Variants in NT5M observed in about 807,000 individuals in gnomAD.
NT5M encodes 5',3'-nucleotidase, mitochondrial.
NT5M carries 22 observed loss-of-function variants against 22.2 expected under a neutral mutation model. The observed-to-expected ratio is 0.99, with a 90% confidence interval of 0.71 to 1.41. NT5M has a LOEUF of 1.41. Among genes scored for constraint, NT5M ranks in the 40% most tolerant of loss-of-function variants. The pLI, the probability that NT5M is intolerant of heterozygous loss-of-function variation, is 0.00. For synonymous variants in NT5M, 167 were observed against 133.0 expected, an observed-to-expected ratio of 1.26 and a Z score of -1.76; for missense variants, 322 against 314.8, an observed-to-expected ratio of 1.02 and a Z score of -0.17.
intron 2 of NT5M, among the ~76,000 whole-genome samples, chr17:17,318,848 C>T (rs1481267533): frequency 6.7e-6 from 1 of 148,230 alleles, no homozygotes; most frequent in African/African-American, 2.5e-5. Flanking sequence ...ATGAATGAAC[C>T]TTGAAAACAT....
chr17:17,344,791 C>T lies in NT5M; in HGVS notation c.430-3C>T, dbSNP rs374577387. 3 of 1,613,774 alleles carry T rather than the reference C, an allele frequency of 1.9e-6. No homozygotes were observed. In the African/African-American group the frequency reaches 4.0e-5, roughly 22 times the overall value. On this transcript the variant is annotated splice_region_variant and splice_polypyrimidine_tract_variant and intron_variant, in intron 3 of 4. Transcript: ENST00000389022. ...CCACCTGCCCTTGCCTGTTTGCGTC[C>T]AGTATGCCTGGGTGGAGAAGTACTT...
intron 3 of NT5M, 146 bp from the exon 4 acceptor site, chr17:17,344,648 C>A: frequency 1.1e-6 from 1 of 932,230 alleles, no homozygotes; most frequent in Non-Finnish European, 1.6e-6. Context: ...GCACTGACTG[C>A]CTGGCGCTGG....
intron 3 of NT5M, among the ~76,000 whole-genome samples, chr17:17,342,612 T>A (rs1467789939): frequency 6.6e-6 from 1 of 152,224 alleles, no homozygotes; most frequent in Admixed American, 6.5e-5. Context: ...CCAGCCACAC[T>A]CCAGGGTTTT....
At position 17,323,203 on chromosome 17, in the gene NT5M, C is replaced by T; in HGVS notation, c.387C>T (p.Cys129=). Residue 129 remains cysteine, a synonymous_variant, in exon 3 of 5, where the codon TGC becomes TGT. Coordinates refer to ENST00000389022, the MANE Select transcript of NT5M (RefSeq NM_020201.4). ...ASLQNTDVFI[C]TSPIKMFKYC... ...TTGACAGCACTGACGTCTTCATCTG[C>T]ACAAGCCCCATCAAGATGTTCAAGT... 6.2e-7 allele frequency: 1 copy of T among 1,614,098 alleles called. No homozygotes were observed. The highest frequency in any genetic ancestry group is 8.5e-7 in the Non-Finnish European group (1 of 1,179,942).
intron 3 of NT5M, among the ~76,000 whole-genome samples, 200 bp downstream of exon 3, chr17:17,323,445 G>T (rs576380406): frequency 1.3e-5 from 2 of 152,226 alleles, no homozygotes; most frequent in Non-Finnish European, 2.9e-5. Context: ...TCCAGGAAGG[G>T]TGCCTGTCAC....
chr17:17,345,993 C>G (rs1049470537), intron 4 of NT5M, among the ~76,000 whole-genome samples: 1 of 152,158 alleles, frequency 6.6e-6, no homozygotes, highest in South Asian at 2.1e-4. Flanking sequence ...TCCTGGTAGC[C>G]GTCAGTAGTT....
At chr17:17,344,946 G>A in intron 4 of NT5M, 38 bp downstream of exon 4, 1 of 1,612,980 alleles carries the variant, frequency 6.2e-7, no homozygotes, top group South Asian at 1.1e-5. Flanking sequence ...ACGTGGGGAG[G>A]GCCCCAGCCT....
chr17:17,308,018 C>G (rs1373522090), intron 2 of NT5M, among the ~76,000 whole-genome samples: 1 of 151,664 alleles, frequency 6.6e-6, no homozygotes, highest in Non-Finnish European at 1.5e-5. Flanking sequence ...CCATTGCACT[C>G]TAGCCTGGGC....
At chr17:17,339,503 A>G (rs910925399) in intron 3 of NT5M, among the ~76,000 whole-genome samples, 1 of 152,124 alleles carries the variant, frequency 6.6e-6, no homozygotes, top group African/African-American at 2.4e-5. Context: ...GACTTCCAGT[A>G]CTATGTTGAA....
At chr17:17,314,960 A>G (rs1008553105) in intron 2 of NT5M, among the ~76,000 whole-genome samples, 6 of 152,018 alleles carry the variant, frequency 3.9e-5, no homozygotes, top group Non-Finnish European at 8.8e-5. Flanking sequence ...CTGAAATTGC[A>G]TGTCTGTGTC....
intron 3 of NT5M, among the ~76,000 whole-genome samples, chr17:17,329,893 G>A (rs774445074): frequency 4.6e-5 from 7 of 152,096 alleles, no homozygotes; most frequent in Admixed American, 6.6e-5. Context: ...GATTGCTTGA[G>A]CCTGGGAGGT....
intron 3 of NT5M, among the ~76,000 whole-genome samples, chr17:17,334,804 G>A (rs34668117): frequency 0.14 from 20,656 of 152,212 alleles, 1,700 homozygotes; most frequent in Non-Finnish European, 0.17. Flanking sequence ...TTTGAAAGCA[G>A]TGTGAGTTTT....
rs534198153 is a variant in NT5M at position 17,312,585 on chromosome 17, G to A, written c.368+5942G>A. Among the ~76,000 whole-genome samples, 149 of 150,786 alleles carry A rather than the reference G, an allele frequency of 9.9e-4. 2 individuals are homozygous for A. The highest frequency in any genetic ancestry group is 3.5e-3 in the African/African-American group (144 of 41,006). The stretch of plus-strand genomic sequence containing the variant: ...CTTGCACCTGGGAGGTGGAGGCTGC[G>A]GTGAGCCAAGATTGCGCCATTGTAC... On this transcript the variant is annotated intron_variant, in intron 2 of 4. Transcript: ENST00000389022.
At chr17:17,333,524 T>C (rs907758185) in intron 3 of NT5M, 2 of 152,538 alleles carry the variant, frequency 1.3e-5, no homozygotes, top group Middle Eastern at 3.2e-3. Flanking sequence ...TTGCCCAAGC[T>C]GGTCTTGAAC....
At chr17:17,339,371 G>A (rs1403540212) in intron 3 of NT5M, among the ~76,000 whole-genome samples, 2 of 151,460 alleles carry the variant, frequency 1.3e-5, no homozygotes, top group Non-Finnish European at 2.9e-5. Context: ...GTTTTTTGGT[G>A]GAATCTTTAG....
chr17:17,304,135 A>G (rs2048741422), intron 1 of NT5M, among the ~76,000 whole-genome samples: 2 of 152,246 alleles, frequency 1.3e-5, no homozygotes, highest in Non-Finnish European at 2.9e-5. Flanking sequence ...TTTTAGAAAA[A>G]TAAACGTTAT....
intron 2 of NT5M, among the ~76,000 whole-genome samples, chr17:17,320,427 G>A (rs962718538): frequency 6.6e-6 from 1 of 152,054 alleles, no homozygotes; most frequent in African/African-American, 2.4e-5. Flanking sequence ...TAAGACCTGG[G>A]GATGGATCTG....
At chr17:17,340,301 A>C (rs543969995) in intron 3 of NT5M, among the ~76,000 whole-genome samples, 2 of 152,008 alleles carry the variant, frequency 1.3e-5, no homozygotes, top group African/African-American at 4.8e-5. Flanking sequence ...TGATTGTTTA[A>C]ATTTCTGTAA....
chr17:17,343,359 T>C (rs890086303), intron 3 of NT5M, among the ~76,000 whole-genome samples: 7 of 151,882 alleles, frequency 4.6e-5, no homozygotes, highest in Admixed American at 2.0e-4. Context: ...AGTCAAGCAG[T>C]GAGAGGAGGT....
Sources: gnomAD v4.1 joint callset for allele counts (sites outside exome capture counted in the v4.1 genomes callset) on GRCh38, gnomAD v4.1.1 for gene constraint, MANE v1.5 for transcripts, NCBI Gene and HGNC (gene_info 2026-07-23, HGNC 2026-07-21) for gene names.